The following ULK4 variants were observed in gnomAD, a reference collection of about 807,000 sequenced individuals.
ULK4 encodes unc-51 like kinase 4, also known as inactive serine/threonine-protein kinase ULK4.
A neutral mutation model predicts 160.6 loss-of-function variants in ULK4; 133 were observed. The ratio of observed to expected loss-of-function variants is 0.83; its 90% CI spans 0.72 to 0.96. The LOEUF (loss-of-function observed/expected upper bound fraction) is 0.96, where lower values mean the gene tolerates loss of function less well. Among genes scored for constraint, ULK4 ranks in the 40% least tolerant of loss-of-function variants. The probability of loss-of-function intolerance (pLI) is 0.00; values close to 1 mark genes in which losing one functional copy is unlikely to be tolerated. For missense variants in ULK4, 1,580 were observed against 1,499.5 expected, an observed-to-expected ratio of 1.05 and a Z score of -0.89; for synonymous variants, 534 against 539.8, an observed-to-expected ratio of 0.99 and a Z score of 0.15.
At chr3:41,423,639 T>C (rs954626046) in intron 34 of ULK4, among the ~76,000 whole-genome samples, 18 of 149,106 alleles carry the variant, frequency 1.2e-4, no homozygotes, top group African/African-American at 4.5e-4. Context: ...CCAAGAAGAA[T>C]GTAAACAGCA....
intron 35 of ULK4, among the ~76,000 whole-genome samples, chr3:41,255,832 A>G (rs1257248559): frequency 6.6e-6 from 1 of 152,344 alleles, no homozygotes; most frequent in East Asian, 1.9e-4. Context: ...ACCAGAGGGG[A>G]CACACAGGTT....
intron 32 of ULK4, among the ~76,000 whole-genome samples, chr3:41,501,869 C>T (rs1281659400): frequency 6.6e-6 from 1 of 152,158 alleles, no homozygotes; most frequent in Non-Finnish European, 1.5e-5. Context: ...CACCATAATA[C>T]CTGGTAACCA....
chr3:41,715,169 T>A lies in ULK4; in HGVS notation c.2634+68A>T, dbSNP rs1277478670. ...ATTTTTAAATTACCTCATTCTGACA[T>A]CAAATTCTACAAACAGTAGAGGAAG... On this transcript the variant is annotated intron_variant, in intron 25 of 36. Coordinates refer to ENST00000301831, the MANE Select transcript of ULK4 (RefSeq NM_017886.4). The A allele has an allele frequency of 4.0e-6, 6 of 1,495,564 alleles. 1 individual carries two copies. Among genetic ancestry groups the A allele is most frequent in the South Asian group, 1.2e-5 (1 of 84,036 alleles). 92.6% of individuals were successfully genotyped at this position (1,495,564 alleles called of 1,614,324 possible).
intron 32 of ULK4, among the ~76,000 whole-genome samples, chr3:41,469,763 G>C (rs1287730755): frequency 7.0e-6 from 1 of 143,454 alleles, no homozygotes; most frequent in Non-Finnish European, 1.5e-5. Context: ...AGACCCTAAA[G>C]AAAGGGTCAA....
At chr3:41,568,701 T>C (rs939320386) in intron 31 of ULK4, among the ~76,000 whole-genome samples, 1 of 152,136 alleles carries the variant, frequency 6.6e-6, no homozygotes, top group East Asian at 1.9e-4. Context: ...ACAGGAGACT[T>C]CTGTGACCAA....
chr3:41,459,464 C>T (rs780899854), intron 33 of ULK4, among the ~76,000 whole-genome samples: 1 of 152,182 alleles, frequency 6.6e-6, no homozygotes, highest in Non-Finnish European at 1.5e-5. Flanking sequence ...ACTTACTGTG[C>T]TCCCCAAACA....
intron 35 of ULK4, among the ~76,000 whole-genome samples, chr3:41,329,005 T>C (rs2080391120): frequency 6.6e-6 from 1 of 152,198 alleles, no homozygotes; most frequent in African/African-American, 2.4e-5. Flanking sequence ...ACAATCAAGA[T>C]AAAAAACTTT....
intron 30 of ULK4, among the ~76,000 whole-genome samples, chr3:41,661,450 T>C (rs1180909043): frequency 1.4e-5 from 2 of 145,088 alleles, no homozygotes; most frequent in East Asian, 1.9e-4. Context: ...TATACTCGTA[T>C]ACATACACAC....
At chr3:41,376,992 AACCAAAACAGCATGGTACTGGT>A (rs2081515730) in intron 35 of ULK4, among the ~76,000 whole-genome samples, 2 of 151,246 alleles carry the variant, frequency 1.3e-5, no homozygotes, top group Middle Eastern at 3.2e-3. Context: ...AGGCTACAGT[AACCAAAACAGCATGGTACTGGT>A]ACCAAAACAG....
At chr3:41,858,147 G>GC (rs1300896461) in intron 17 of ULK4, among the ~76,000 whole-genome samples, 2 of 92,116 alleles carry the variant, frequency 2.2e-5, no homozygotes, top group South Asian at 4.3e-4. Flanking sequence ...TTTTTTGTTT[G>GC]TTTTTTTTTT....
rs541463928 is a variant in ULK4 at position 41,248,679 on chromosome 3, TC to T, written c.3764+809del. 1.4e-4 allele frequency among the ~76,000 whole-genome samples: 22 copies of T among 152,272 alleles called. No individual in the cohort carries two copies. The East Asian group carries it at 2.1e-3, about 15-fold the overall frequency. On this transcript the variant is annotated intron_variant, in intron 36 of 36. Transcript: ENST00000301831. ...GAAACATGTAGTTCTAAAAACAGAA[TC>T]TACCAGGAAATGGCAGACAGCATTC...
At chr3:41,644,543 C>G (rs1356503243) in intron 30 of ULK4, among the ~76,000 whole-genome samples, 1 of 152,100 alleles carries the variant, frequency 6.6e-6, no homozygotes, top group Non-Finnish European at 1.5e-5. Flanking sequence ...GGGATGAAGC[C>G]CACTTGATCA....
chr3:41,850,060 T>C (rs2042172651), intron 17 of ULK4, among the ~76,000 whole-genome samples: 1 of 152,042 alleles, frequency 6.6e-6, no homozygotes, highest in Non-Finnish European at 1.5e-5. Flanking sequence ...GAACATGTGG[T>C]GTTTGGTTTT....
intron 5 of ULK4, among the ~76,000 whole-genome samples, chr3:41,921,680 T>C (rs150926195): frequency 6.6e-6 from 1 of 152,128 alleles, no homozygotes; most frequent in Non-Finnish European, 1.5e-5. Context: ...GGAATTAAAG[T>C]CTCTGGGTTC....
chr3:41,425,415 C>T (rs1040370968), intron 34 of ULK4, among the ~76,000 whole-genome samples: 7 of 152,136 alleles, frequency 4.6e-5, no homozygotes, highest in Non-Finnish European at 7.3e-5. Context: ...CCTATCCAGA[C>T]AGGCCAACGT....
intron 21 of ULK4, among the ~76,000 whole-genome samples, chr3:41,783,029 CAAA>C (rs78538200): frequency 2.6e-5 from 3 of 115,604 alleles, no homozygotes; most frequent in Admixed American, 9.1e-5. Flanking sequence ...CAATTTCTAC[CAAA>C]AAAAAAAAAA....
At chr3:41,307,159 TAA>T (rs61521129) in intron 35 of ULK4, among the ~76,000 whole-genome samples, 26,199 of 126,024 alleles carry the variant, frequency 0.21, 2,920 homozygotes, top group African/African-American at 0.37. Context: ...ATAAATAAAT[TAA>T]AAAAAAAAAA....
intron 29 of ULK4, among the ~76,000 whole-genome samples, chr3:41,680,200 C>T (rs997396072): frequency 5.4e-4 from 82 of 152,154 alleles, no homozygotes; most frequent in African/African-American, 1.9e-3. Context: ...CAGACATACA[C>T]TCATATATAA....
At chr3:41,850,411 A>C (rs977325042) in intron 17 of ULK4, among the ~76,000 whole-genome samples, 10 of 152,038 alleles carry the variant, frequency 6.6e-5, no homozygotes, top group African/African-American at 2.4e-4. Context: ...TGGTTGAACT[A>C]GTTTACAGTC....
Sources: gnomAD v4.1 joint callset for allele counts (sites outside exome capture counted in the v4.1 genomes callset) on GRCh38, gnomAD v4.1.1 for gene constraint, MANE v1.5 for transcripts, NCBI Gene and HGNC (gene_info 2026-07-23, HGNC 2026-07-21) for gene names.